The following MRPL44 variants were observed in gnomAD, a reference collection of about 807,000 sequenced individuals.
The protein encoded by MRPL44 is large ribosomal subunit protein mL44.
MRPL44 carries 21 observed loss-of-function variants against 25.9 expected under a neutral mutation model. The observed-to-expected ratio is 0.81, with a 90% CI of 0.58 to 1.17. The LOEUF (loss-of-function observed/expected upper bound fraction) is 1.17. Ranked by LOEUF, MRPL44 falls within the 50% of genes most tolerant of loss-of-function variation. The probability of loss-of-function intolerance (pLI) is 0.00; values close to 1 mark genes in which losing one functional copy is unlikely to be tolerated. For missense variants in MRPL44, 410 were observed against 398.9 expected (o/e 1.03, Z -0.24); for synonymous variants, 169 against 151.0 (o/e 1.12, Z -0.87).
upstream of MRPL44, among the ~76,000 whole-genome samples, chr2:223,954,923 CAG>C (rs370163350): frequency 2.2e-3 from 328 of 152,244 alleles, no homozygotes; most frequent in African/African-American, 7.8e-3. Flanking sequence ...GTGTTTATAA[CAG>C]AATTATACTA....
rs752403398 is a variant in MRPL44, at chr2:223,959,858, C to T, written c.504C>T (p.His168=). 6.3e-5 allele frequency: 101 copies of T among 1,614,034 alleles called. No homozygotes were observed. Among genetic ancestry groups the T allele is most frequent in the Non-Finnish European group, 8.1e-5 (95 of 1,180,048 alleles). Residue 168 remains histidine, a synonymous_variant, in exon 2 of 4, where the codon CAC becomes CAT. Transcript: ENST00000258383. ...TCACTGGTGAGGAAGTCGTGTGTCA[C>T]GTGGCTAGAAACTTGGCTGTGGAGC... ...DFLTGEEVVC[H]VARNLAVEQL...
At chr2:223,955,988 A>G (rs1004124579), upstream of MRPL44, among the ~76,000 whole-genome samples, 3 of 152,196 alleles carry the variant, frequency 2.0e-5, no homozygotes, top group African/African-American at 7.2e-5. Flanking sequence ...TCGTTGTTGT[A>G]TGACTGAGAA....
chr2:223,957,710 C>T, intron 1 of MRPL44, 59 bp downstream of exon 1: 1 of 1,525,882 alleles, frequency 6.6e-7, no homozygotes. Context: ...GGGTCTTCTT[C>T]CCGCGGCGTC....
rs868328457 is a variant in MRPL44 at position 223,966,810 on chromosome 2, A to T, written c.828-53A>T. On this transcript the variant is annotated intron_variant, in intron 3 of 3. Transcript: ENST00000258383. ...TAATTGCTTTATAACTGCTTTGTGT[A>T]CTGTCTTACAATATTCCATGTAATT... 4 of 1,511,808 alleles carry T rather than the reference A, an allele frequency of 2.6e-6. No individual in the cohort carries two copies. The Middle Eastern group carries it at 7.0e-4, about 265-fold the overall frequency. 93.6% of individuals were successfully genotyped at this position (1,511,808 alleles called of 1,614,324 possible). A position where few individuals can be genotyped will look rare whatever the true frequency, so the allele number is the denominator to read the frequency against.
At position 223,963,820 on chromosome 2, in the gene MRPL44, TG is replaced by T. The variant is rs752163467; in HGVS notation, c.717del (p.Leu240TyrfsTer3). 6 of 1,613,582 alleles carry T rather than the reference TG, an allele frequency of 3.7e-6. No homozygotes were observed. The highest frequency in any genetic ancestry group is 5.1e-6 in the Non-Finnish European group (6 of 1,179,804). ...LFEMWKIINP[M>X]GLLVEELKKR... ...GAGATGTGGAAGATAATAAATCCCATGGGGCTATTGGTAGAAGAACTGAAGA... is the reference window on the plus strand; with the variant it reads ...GAGATGTGGAAGATAATAAATCCCATGGGCTATTGGTAGAAGAACTGAAGA... On this transcript the variant is annotated frameshift_variant, in exon 3 of 4. Transcript: ENST00000258383. LOFTEE classifies it high-confidence loss of function.
At chr2:223,950,872 T>C in the MRPL44 span, among the ~76,000 whole-genome samples, 1 of 152,214 alleles carries the variant, frequency 6.6e-6, no homozygotes, top group Non-Finnish European at 1.5e-5. Flanking sequence ...AATGATTTTA[T>C]AGAGTATGCA....
intron 2 of MRPL44, 73 bp from the exon 3 acceptor site, chr2:223,963,682 TA>T: frequency 3.0e-6 from 3 of 988,072 alleles, no homozygotes; most frequent in Non-Finnish European, 4.1e-6. Context: ...TTAAAAAGTG[TA>T]AAAAATGTAT....
At chr2:223,959,117 A>G (rs1387263868) in intron 1 of MRPL44, among the ~76,000 whole-genome samples, 1 of 152,218 alleles carries the variant, frequency 6.6e-6, no homozygotes, top group Non-Finnish European at 1.5e-5. Flanking sequence ...CCAATCCCCT[A>G]CAGATATTGA....
chr2:223,955,979 CGTT>C (rs765873573), upstream of MRPL44, among the ~76,000 whole-genome samples: 10 of 152,180 alleles, frequency 6.6e-5, no homozygotes, highest in Non-Finnish European at 1.3e-4. Context: ...ATGATGCTCT[CGTT>C]GTTGTATGAC....
chr2:223,961,453 A>G (rs1419068732), intron 2 of MRPL44, among the ~76,000 whole-genome samples: 1 of 152,246 alleles, frequency 6.6e-6, no homozygotes, highest in Non-Finnish European at 1.5e-5. Context: ...GGGCATCAGT[A>G]TCAGCATCAC....
intron 2 of MRPL44, among the ~76,000 whole-genome samples, chr2:223,960,832 T>A (rs1370339183): frequency 1.3e-5 from 2 of 152,232 alleles, no homozygotes; most frequent in African/African-American, 4.8e-5. Flanking sequence ...CTCTGTGGAG[T>A]AAGTTTTAAA....
At position 223,963,742 on chromosome 2, in the gene MRPL44, A is replaced by G; in HGVS notation, c.649-14A>G. The G allele has an allele frequency of 6.7e-7, 1 of 1,501,566 alleles. No individual in the cohort carries two copies. Among genetic ancestry groups the G allele is most frequent in the Non-Finnish European group, 8.9e-7 (1 of 1,118,362 alleles). 93.0% of individuals were successfully genotyped at this position (1,501,566 alleles called of 1,614,324 possible). On this transcript the variant is annotated splice_polypyrimidine_tract_variant and intron_variant, in intron 2 of 3. Coordinates refer to ENST00000258383, the MANE Select transcript of MRPL44 (RefSeq NM_022915.5). ...CTACTAATTAAAATGTATAAATTAT[A>G]TTTTTATATGCAGGACTTCTTAATT...
intron 1 of MRPL44, among the ~76,000 whole-genome samples, chr2:223,958,374 A>G (rs894188506): frequency 6.6e-5 from 10 of 152,216 alleles, no homozygotes; most frequent in Admixed American, 5.9e-4. Context: ...TTTGAAAGCT[A>G]TTAGTACTTT....
intron 3 of MRPL44, among the ~76,000 whole-genome samples, chr2:223,966,397 T>G (rs58306280): frequency 0.041 from 6,318 of 152,258 alleles, 429 homozygotes; most frequent in African/African-American, 0.14. Flanking sequence ...TATCACACAT[T>G]AAAAATAAAA....
At position 223,967,115 on chromosome 2, in the gene MRPL44, A is replaced by G. The variant is rs77024857; in HGVS notation, c.*81A>G. On this transcript the variant is annotated 3_prime_UTR_variant, in exon 4 of 4. Coordinates refer to ENST00000258383, the MANE Select transcript of MRPL44 (RefSeq NM_022915.5). ...GGTGTTTCAAGCCAGACATTTTCAC[A>G]ATTGTGAAGAAATAGATGTTTTGTT... The G allele has an allele frequency of 2.9e-3, 3,743 of 1,294,654 alleles. 73 individuals carry two copies. In the African/African-American group the frequency reaches 0.04, roughly 14 times the overall value. 80.2% of individuals were successfully genotyped at this position (1,294,654 alleles called of 1,614,324 possible). A position where few individuals can be genotyped will look rare whatever the true frequency, so the allele number is the denominator to read the frequency against.
chr2:223,956,003 T>G (rs1475420186), upstream of MRPL44, among the ~76,000 whole-genome samples: 1 of 152,204 alleles, frequency 6.6e-6, no homozygotes, highest in African/African-American at 2.4e-5. Flanking sequence ...TGAGAAACTC[T>G]CAACACAGAG....
At position 223,962,159 on chromosome 2, in the gene MRPL44, A is replaced by G. The variant is rs529554342; in HGVS notation, c.649-1597A>G. ...GCCATCCTCCTATATTAGCCTCCCT[A>G]GTAGCTGGGACCACAGGCATGTGTC... On this transcript the variant is annotated intron_variant, in intron 2 of 3. Transcript: ENST00000258383. 4.6e-5 allele frequency among the ~76,000 whole-genome samples: 7 copies of G among 152,186 alleles called. No homozygotes were observed. In the East Asian group the frequency reaches 1.3e-3, roughly 29 times the overall value.
intron 2 of MRPL44, among the ~76,000 whole-genome samples, chr2:223,963,404 T>C (rs972999128): frequency 5.9e-5 from 9 of 151,990 alleles, no homozygotes; most frequent in African/African-American, 2.2e-4. Flanking sequence ...TGATCACGCC[T>C]CTGCACCTCT....
Position 223,957,632 on chromosome 2 carries a change from C to T in MRPL44, c.160C>T (p.Pro54Ser). 1 of 1,608,322 alleles carries T rather than the reference C, an allele frequency of 6.2e-7. No individual in the cohort carries two copies. The highest frequency in any genetic ancestry group is 8.5e-7 in the Non-Finnish European group (1 of 1,179,514). ...ELERQRLLRC[P>S]PPPVRRSEKP... ...AGAGCGGCAGCGCCTTCTGCGGTGC[C>T]CGCCGCCGCCCGTGCGCCGGTAGGA... The change falls in exon 1 of 4, where the codon CCG (proline) becomes TCG (serine). Residue 54 changes from proline to serine, a missense_variant. Transcript: ENST00000258383.
Sources: allele counts gnomAD v4.1 joint callset (sites outside exome capture counted in the v4.1 genomes callset), GRCh38; gene constraint gnomAD v4.1.1; transcripts MANE v1.5; gene names NCBI Gene and HGNC (gene_info 2026-07-23, HGNC 2026-07-21).